The following CDH20 variants were observed in gnomAD, a reference collection of about 807,000 sequenced individuals.
CDH20 encodes cadherin-20.
In CDH20, 29 loss-of-function variants were observed where a neutral mutation model predicts 74.2. The observed-to-expected ratio is 0.39, with a 90% CI of 0.29 to 0.53. The LOEUF (loss-of-function observed/expected upper bound fraction) is 0.53. Ranked by LOEUF, CDH20 falls within the 20% of genes least tolerant of loss-of-function variation. CDH20 has a pLI of 0.69. For missense variants in CDH20, 988 were observed against 1,048.3 expected, an observed-to-expected ratio of 0.94 and a Z score of 0.79; for synonymous variants, 469 against 405.4, an observed-to-expected ratio of 1.16 and a Z score of -1.88.
intron 1 of CDH20, among the ~76,000 whole-genome samples, chr18:61,342,016 G>A (rs1248289499): frequency 1.3e-5 from 2 of 152,120 alleles, no homozygotes; most frequent in Non-Finnish European, 2.9e-5. Flanking sequence ...CCATTTGGCA[G>A]TTAGCATCTC....
chr18:61,550,134 A>T lies in CDH20; in HGVS notation c.1805A>T (p.His602Leu), dbSNP rs753833018. Residue 602 changes from histidine (H) to leucine (L), a missense_variant, in exon 11 of 12, where the codon CAC becomes CTC. Transcript: ENST00000262717. ...IQVCSCDDDG[H>L]VMSCSPEAYM... ...GTGTGCAGCTGTGATGACGACGGCC[A>T]CGTCATGTCCTGCAGCCCAGAGGCC... 1.2e-6 allele frequency: 2 copies of T among 1,614,228 alleles called. No individual in the cohort carries two copies.
At chr18:61,411,061 G>A (rs1020021277) in intron 1 of CDH20, among the ~76,000 whole-genome samples, 2 of 152,070 alleles carry the variant, frequency 1.3e-5, no homozygotes, top group African/African-American at 2.4e-5. Context: ...TTAGCAGGGC[G>A]TGGTGGCGGG....
chr18:61,370,083 T>G (rs1910984159), intron 1 of CDH20, among the ~76,000 whole-genome samples: 1 of 152,210 alleles, frequency 6.6e-6, no homozygotes, highest in African/African-American at 2.4e-5. Flanking sequence ...TAGATAAAAA[T>G]AAAGTAAAAT....
At chr18:61,482,516 C>T (rs975740097) in intron 1 of CDH20, among the ~76,000 whole-genome samples, 2 of 152,210 alleles carry the variant, frequency 1.3e-5, no homozygotes, top group African/African-American at 4.8e-5. Context: ...GGACTCTTAA[C>T]TGATTTTCCC....
intron 1 of CDH20, among the ~76,000 whole-genome samples, chr18:61,352,732 C>T (rs1380129961): frequency 6.6e-6 from 1 of 152,170 alleles, no homozygotes; most frequent in African/African-American, 2.4e-5. Context: ...CTGACTCCTC[C>T]CTTTGGCTGT....
intron 9 of CDH20, among the ~76,000 whole-genome samples, chr18:61,540,158 C>A (rs1389758533): frequency 6.6e-6 from 1 of 152,154 alleles, no homozygotes; most frequent in Non-Finnish European, 1.5e-5. Flanking sequence ...AGCAACCCTA[C>A]AGATCCCCTA....
intron 2 of CDH20, among the ~76,000 whole-genome samples, chr18:61,496,246 CCCG>C (rs1911153911): frequency 8.6e-6 from 1 of 116,174 alleles, no homozygotes; most frequent in Non-Finnish European, 1.8e-5. Context: ...CCCCTTTCTC[CCCG>C]CCTTCTCCCT....
intron 1 of CDH20, among the ~76,000 whole-genome samples, chr18:61,400,836 T>C (rs1316564505): frequency 6.6e-6 from 1 of 152,218 alleles, no homozygotes; most frequent in Non-Finnish European, 1.5e-5. Context: ...GGTCAGTCTT[T>C]GGTGTCCCAA....
chr18:61,544,028 G>T (rs914905927), intron 9 of CDH20, among the ~76,000 whole-genome samples: 2 of 152,248 alleles, frequency 1.3e-5, no homozygotes, highest in Admixed American at 1.3e-4. Flanking sequence ...TCTAACATCT[G>T]AAGTATTTAG....
intron 1 of CDH20, among the ~76,000 whole-genome samples, chr18:61,349,478 T>C (rs954876434): frequency 5.9e-5 from 9 of 152,234 alleles, no homozygotes; most frequent in Admixed American, 5.9e-4. Flanking sequence ...GAATGTTTCC[T>C]ACAGATTCTA....
rs947368429 is a variant in CDH20, at chr18:61,386,779, C to G, written c.-153+52952C>G. ...TTACTTACTTAAAAGTGATCTATCT[C>G]AAAACGTAAATATCAAAAAAGCTAA... On this transcript the variant is annotated intron_variant, in intron 1 of 11. Transcript: ENST00000262717. Among the ~76,000 whole-genome samples, 4 of 151,824 alleles carry G rather than the reference C, an allele frequency of 2.6e-5. No individual in the cohort carries two copies. In the South Asian group the frequency reaches 6.3e-4, roughly 24 times the overall value.
At chr18:61,486,362 A>G (rs610229) in intron 1 of CDH20, among the ~76,000 whole-genome samples, 151,057 of 152,320 alleles carry the variant, frequency 0.99, 74,920 homozygotes, top group Middle Eastern at 1. Context: ...TGGGAATATT[A>G]TTGTTTGTGA....
intron 2 of CDH20, among the ~76,000 whole-genome samples, chr18:61,496,076 C>CCCCTCTCT (rs1911133766): frequency 6.5e-5 from 1 of 15,386 alleles, no homozygotes; most frequent in Non-Finnish European, 1.3e-4. Context: ...CCTTCCTCTC[C>CCCCTCTCT]CCCCTCTCTC....
intron 1 of CDH20, among the ~76,000 whole-genome samples, chr18:61,384,142 A>C (rs1029838607): frequency 2.0e-5 from 3 of 152,246 alleles, no homozygotes; most frequent in Admixed American, 6.5e-5. Flanking sequence ...TCTTGTGAAT[A>C]GACTGTCTCA....
chr18:61,415,571 C>T (rs947359117), intron 1 of CDH20, among the ~76,000 whole-genome samples: 1 of 152,114 alleles, frequency 6.6e-6, no homozygotes, highest in Non-Finnish European at 1.5e-5. Flanking sequence ...GGAGAAAATT[C>T]AGGCAGAATA....
At chr18:61,366,876 T>C (rs899276263) in intron 1 of CDH20, among the ~76,000 whole-genome samples, 1 of 152,144 alleles carries the variant, frequency 6.6e-6, no homozygotes, top group African/African-American at 2.4e-5. Context: ...CTTTATACAA[T>C]GCTAAATTAC....
intron 1 of CDH20, among the ~76,000 whole-genome samples, chr18:61,432,751 C>T (rs971999362): frequency 3.3e-5 from 5 of 152,188 alleles, no homozygotes; most frequent in Admixed American, 6.5e-5. Context: ...TCGCCTTCCT[C>T]CTGTTCTTCC....
At chr18:61,339,236 A>G (rs956076023) in intron 1 of CDH20, among the ~76,000 whole-genome samples, 1 of 152,102 alleles carries the variant, frequency 6.6e-6, no homozygotes, top group Admixed American at 6.6e-5. Context: ...ATATCTCTTT[A>G]TAAAAAAAGT....
At chr18:61,380,036 C>T (rs1413443186) in intron 1 of CDH20, among the ~76,000 whole-genome samples, 2 of 152,122 alleles carry the variant, frequency 1.3e-5, no homozygotes, top group Non-Finnish European at 2.9e-5. Flanking sequence ...GGCAGACACG[C>T]GGATGTTTAT....
Sources: gnomAD v4.1 joint callset for allele counts (sites outside exome capture counted in the v4.1 genomes callset) on GRCh38, gnomAD v4.1.1 for gene constraint, MANE v1.5 for transcripts, NCBI Gene and HGNC (gene_info 2026-07-23, HGNC 2026-07-21) for gene names.